The following RGS10 variants were observed in gnomAD, a reference collection of about 807,000 sequenced individuals.
RGS10 encodes the protein regulator of G-protein signalling 10.
In RGS10, 11 loss-of-function variants were observed where a neutral mutation model predicts 23.5. The ratio of observed to expected loss-of-function variants is 0.47; its 90% CI spans 0.29 to 0.77. The LOEUF is 0.77. Ranked by LOEUF, RGS10 falls within the 30% of genes least tolerant of loss-of-function variation. The pLI, the probability that RGS10 is intolerant of heterozygous loss-of-function variation, is 0.08. For synonymous variants in RGS10, 77 were observed against 83.2 expected (o/e 0.92, Z 0.41); for missense variants, 180 against 226.3 (o/e 0.80, Z 1.31).
At position 119,527,386 on chromosome 10, in the gene RGS10, G is replaced by T; in HGVS notation, c.88C>A (p.Gln30Lys). Residue 30 changes from glutamine to lysine, a missense_variant, in exon 2 of 5, where the codon CAG (glutamine) becomes AAG (lysine). Physicochemically the swap from Gln to Lys is moderately conservative, Grantham distance 53. Coordinates refer to ENST00000369103, the MANE Select transcript of RGS10 (RefSeq NM_001005339.2). This position sits in a 1 kb window ranked among gnomAD's most constrained non-coding sequence, Gnocchi z 4.2. ...DSDGSSSSSH[Q>K]SLKSTAKWAA... ...CATTTGGCTGTGCTCTTGAGGCTCT[G>T]GTGGCTGCTGCTGGAACTGCCATCG... 6.2e-7 allele frequency: 1 copy of T among 1,614,210 alleles called. No homozygotes were observed. The highest frequency in any genetic ancestry group is 8.5e-7 in the Non-Finnish European group (1 of 1,180,036).
rs1844246779 is a variant in RGS10 at position 119,524,065 on chromosome 10, T to C, written c.255+1967A>G. Among the ~76,000 whole-genome samples the C allele has an allele frequency of 6.6e-6, 1 of 152,140 alleles. No individual in the cohort carries two copies. Among genetic ancestry groups the C allele is most frequent in the African/African-American group, 2.4e-5 (1 of 41,424 alleles). On this transcript the variant is annotated intron_variant, in intron 3 of 4. Transcript: ENST00000369103. This position sits in a 1 kb window ranked among gnomAD's most constrained non-coding sequence, Gnocchi z 5.2. The stretch of plus-strand genomic sequence containing the variant: ...CCCAATCTCAATGCCAAGTCTCAGC[T>C]AAAAAGCCACTTCCCCTGGATCCCT...
intron 1 of RGS10, 35 bp downstream of exon 1, chr10:119,542,555 C>A (rs550341736): frequency 7.0e-4 from 965 of 1,375,660 alleles, no homozygotes; most frequent in Middle Eastern, 1.3e-3. Flanking sequence ...AACGGCGCCC[C>A]GACCCCGAGC....
intron 4 of RGS10, among the ~76,000 whole-genome samples, chr10:119,506,478 G>A (rs1259697337): frequency 6.6e-6 from 1 of 152,248 alleles, no homozygotes; most frequent in African/African-American, 2.4e-5. Flanking sequence ...TCGCTTGGAC[G>A]ATATCCCCTC....
chr10:119,527,249 G>T lies in RGS10; in HGVS notation c.168+57C>A. On this transcript the variant is annotated intron_variant, in intron 2 of 4. Coordinates refer to ENST00000369103, the MANE Select transcript of RGS10 (RefSeq NM_001005339.2). This position sits in a 1 kb window ranked among gnomAD's most constrained non-coding sequence, Gnocchi z 4.2. ...GAACTGGCCTATTTCTCCCCTGTGT[G>T]CATCTGAACTTCTGCACACACTGCA... is the stretch of plus-strand genomic sequence containing the variant. 1.6e-6 allele frequency: 2 copies of T among 1,248,076 alleles called. No homozygotes were observed. The highest frequency in any genetic ancestry group is 2.3e-6 in the Non-Finnish European group (2 of 857,710). 77.3% of individuals were successfully genotyped at this position (1,248,076 alleles called of 1,614,324 possible). A position where few individuals can be genotyped will look rare whatever the true frequency, so the allele number is the denominator to read the frequency against.
chr10:119,499,868 G>A lies in RGS10; in HGVS notation c.*245C>T, dbSNP rs573439822. The A allele has an allele frequency of 2.2e-5, 9 of 407,170 alleles. No individual in the cohort carries two copies. Among genetic ancestry groups the A allele is most frequent in the Admixed American group, 1.7e-4 (4 of 23,878 alleles). 25.2% of individuals were successfully genotyped at this position (407,170 alleles called of 1,614,324 possible). A position where few individuals can be genotyped will look rare whatever the true frequency, so the allele number is the denominator to read the frequency against. On this transcript the variant is annotated 3_prime_UTR_variant, in exon 5 of 5. Coordinates refer to ENST00000369103, the MANE Select transcript of RGS10 (RefSeq NM_001005339.2). ...TTAATTAAGCTACAAAATGCTCGAC[G>A]TGTCCAGTGTTGAAGGAATCTCTGT... is the stretch of plus-strand genomic sequence containing the variant.
At chr10:119,529,189 A>G (rs919902622) in intron 1 of RGS10, among the ~76,000 whole-genome samples, 1 of 152,182 alleles carries the variant, frequency 6.6e-6, no homozygotes, top group African/African-American at 2.4e-5. Context: ...ACGGTGGCTC[A>G]CGCCTGTAAT....
intron 4 of RGS10, among the ~76,000 whole-genome samples, chr10:119,503,189 A>C (rs566919802): frequency 4.0e-4 from 61 of 152,024 alleles, no homozygotes; most frequent in Non-Finnish European, 6.6e-4. Context: ...AAATATAAAA[A>C]TTAGCAGGGC....
At chr10:119,528,323 G>A (rs1244462283) in intron 1 of RGS10, among the ~76,000 whole-genome samples, 5 of 151,810 alleles carry the variant, frequency 3.3e-5, no homozygotes, top group East Asian at 1.9e-4. Context: ...GAGCCACCGC[G>A]CCCAGTTCCT....
At chr10:119,521,295 G>A (rs1011105107) in intron 3 of RGS10, among the ~76,000 whole-genome samples, 1 of 152,124 alleles carries the variant, frequency 6.6e-6, no homozygotes, top group African/African-American at 2.4e-5. Flanking sequence ...AAATTGCTGG[G>A]CGTGGTGGTT....
chr10:119,507,247 G>A (rs1844024247), intron 4 of RGS10, among the ~76,000 whole-genome samples: 1 of 152,106 alleles, frequency 6.6e-6, no homozygotes, highest in African/African-American at 2.4e-5. Context: ...TAAGTCCCTG[G>A]CTCTGGCCAC....
At chr10:119,525,205 G>A (rs1052602291) in intron 3 of RGS10, among the ~76,000 whole-genome samples, 1 of 152,116 alleles carries the variant, frequency 6.6e-6, no homozygotes, top group African/African-American at 2.4e-5. Context: ...CACCAGGGTC[G>A]CAGGGCAAGC....
chr10:119,538,332 C>G lies in RGS10; in HGVS notation c.49+4258G>C, dbSNP rs983851236. On this transcript the variant is annotated intron_variant, in intron 1 of 4. Transcript: ENST00000369103. This position sits in a 1 kb window ranked among gnomAD's most constrained non-coding sequence, Gnocchi z 4.5. The stretch of plus-strand genomic sequence containing the variant: ...CAGAAATGGGTGCCTCCGGACAAGT[C>G]CCTGCCCCTTAGTGGCCTCTGCAGC... Among the ~76,000 whole-genome samples, 1 of 152,206 alleles carries G rather than the reference C, an allele frequency of 6.6e-6. No homozygotes were observed. Among genetic ancestry groups the G allele is most frequent in the Non-Finnish European group, 1.5e-5 (1 of 68,030 alleles).
chr10:119,531,186 A>G (rs1051245792), intron 1 of RGS10, among the ~76,000 whole-genome samples: 16 of 152,214 alleles, frequency 1.1e-4, no homozygotes, highest in Admixed American at 6.5e-5. Context: ...CTCTTTGCCC[A>G]GAGAATACAG....
intron 1 of RGS10, among the ~76,000 whole-genome samples, chr10:119,537,672 A>G (rs1227624052): frequency 6.6e-6 from 1 of 152,112 alleles, no homozygotes; most frequent in Non-Finnish European, 1.5e-5. Flanking sequence ...AATTGAGGAG[A>G]GGAGGCCAGG....
intron 4 of RGS10, among the ~76,000 whole-genome samples, chr10:119,506,940 C>G (rs1844021461): frequency 1.3e-5 from 2 of 152,140 alleles, no homozygotes; most frequent in Admixed American, 6.5e-5. Context: ...ACTTTGTCAT[C>G]CTCCCGCCTC....
At chr10:119,504,315 G>A (rs1843985816) in intron 4 of RGS10, among the ~76,000 whole-genome samples, 1 of 152,134 alleles carries the variant, frequency 6.6e-6, no homozygotes, top group Non-Finnish European at 1.5e-5. Flanking sequence ...TCTGCCTCCT[G>A]AGTAGCTGTG....
At chr10:119,501,722 CA>C (rs11389597) in intron 4 of RGS10, among the ~76,000 whole-genome samples, 4 of 149,570 alleles carry the variant, frequency 2.7e-5, no homozygotes, top group African/African-American at 9.9e-5. Flanking sequence ...GACTCTGTCT[CA>C]AAAAAAAAGA....
chr10:119,523,490 C>T (rs748874531), intron 3 of RGS10, among the ~76,000 whole-genome samples: 1 of 135,524 alleles, frequency 7.4e-6, no homozygotes, highest in Non-Finnish European at 1.7e-5. Context: ...CATGGTGAAA[C>T]CCTGTCTCTA....
chr10:119,503,826 T>C (rs1471147318), intron 4 of RGS10, among the ~76,000 whole-genome samples: 1 of 152,208 alleles, frequency 6.6e-6, no homozygotes, highest in African/African-American at 2.4e-5. Context: ...ACAAGGACAC[T>C]AGTCAGATTG....
Sources: gnomAD v4.1 joint callset for allele counts (sites outside exome capture counted in the v4.1 genomes callset) on GRCh38, gnomAD v4.1.1 for gene constraint, Gnocchi (gnomAD v3.1) non-coding constraint, MANE v1.5 for transcripts, NCBI Gene and HGNC (gene_info 2026-07-23, HGNC 2026-07-21) for gene names.